The following SCAF11 variants were observed in gnomAD, a reference collection of about 807,000 sequenced individuals.
The protein encoded by SCAF11 is protein SCAF11.
In SCAF11, 47 loss-of-function variants were observed where a neutral mutation model predicts 140.5. The observed-to-expected ratio is 0.33, with a 90% confidence interval of 0.26 to 0.43. SCAF11 has a LOEUF of 0.43. Ranked by LOEUF, SCAF11 falls within the 20% of genes least tolerant of loss-of-function variation. The pLI is 1.00. For synonymous variants in SCAF11, 557 were observed against 579.4 expected (o/e 0.96, Z 0.55); for missense variants, 1,645 against 1,705.1 (o/e 0.96, Z 0.62).
At chr12:45,970,773 A>C (rs1946054041) in intron 1 of SCAF11, among the ~76,000 whole-genome samples, 1 of 152,236 alleles carries the variant, frequency 6.6e-6, no homozygotes, top group African/African-American at 2.4e-5. Context: ...GATAAATGGA[A>C]AATTAAGAAG....
In SCAF11 at chr12:45,926,758, A is replaced by G. The variant is rs1256399623; in HGVS notation, c.2943T>C (p.Asn981=). The change falls in exon 11 of 15, where the codon AAT becomes AAC. Residue 981 remains asparagine, a synonymous_variant. Transcript: ENST00000369367. ...ANDGWRCPRG[N]DRYRKNDPEK... is the part of the protein sequence containing the mutation. ...CTGGGTCATTCTTTCTGTACCGATCATTTCCTCGTGGACATCTCCAACCAT... is the reference window on the plus strand; with the variant it reads ...CTGGGTCATTCTTTCTGTACCGATCGTTTCCTCGTGGACATCTCCAACCAT... 16 of 1,614,006 alleles carry G rather than the reference A, an allele frequency of 9.9e-6. No homozygotes were observed. The highest frequency in any genetic ancestry group is 9.3e-6 in the Non-Finnish European group (11 of 1,179,998).
intron 1 of SCAF11, among the ~76,000 whole-genome samples, chr12:45,986,388 G>A (rs1277570139): frequency 2.0e-5 from 3 of 151,910 alleles, no homozygotes; most frequent in Non-Finnish European, 4.4e-5. Context: ...AAGGCCTGCT[G>A]GTCTCAAATC....
chr12:45,965,007 T>G (rs1293761383), intron 1 of SCAF11, among the ~76,000 whole-genome samples: 1 of 152,090 alleles, frequency 6.6e-6, no homozygotes, highest in South Asian at 2.1e-4. Context: ...GGGGTTGGCA[T>G]GTAAGCCATG....
chr12:45,974,109 A>G, intron 1 of SCAF11: 6 of 442,750 alleles, frequency 1.4e-5, no homozygotes, highest in South Asian at 9.9e-5. Context: ...TTCCTAGTAT[A>G]TATGTTTATA....
intron 3 of SCAF11, among the ~76,000 whole-genome samples, chr12:45,952,495 C>T (rs1301545983): frequency 8.6e-5 from 13 of 152,030 alleles, no homozygotes. Flanking sequence ...TGCTTAGGTT[C>T]TTATTAAGTT....
At chr12:45,990,622 C>G, upstream of SCAF11, 1 of 1,204,844 alleles carries the variant, frequency 8.3e-7, no homozygotes, top group Non-Finnish European at 1.0e-6. Context: ...CCCCTCCCTG[C>G]GCGTCTCCCT....
At chr12:45,990,314 G>C (rs1372810526) in intron 1 of SCAF11, 39 bp downstream of exon 1, 1 of 1,231,608 alleles carries the variant, frequency 8.1e-7, no homozygotes, top group Non-Finnish European at 1.0e-6. Flanking sequence ...CCAGACAGCT[G>C]CCCAAGCCCA....
intron 3 of SCAF11, among the ~76,000 whole-genome samples, chr12:45,954,233 TA>T (rs1350038739): frequency 2.0e-5 from 3 of 152,144 alleles, no homozygotes; most frequent in African/African-American, 7.2e-5. Flanking sequence ...ATTTTTTCTT[TA>T]TTTTTTTTAT....
chr12:45,926,686 T>C lies in SCAF11; in HGVS notation c.3015A>G (p.Leu1005=), dbSNP rs201877264. 438 of 1,613,498 alleles carry C rather than the reference T, an allele frequency of 2.7e-4. 6 individuals are homozygous for C. The East Asian group carries it at 9.5e-3, about 35-fold the overall frequency. ...NTRKEKNDIH[L]DADDPNSADK... ...CAGCAGAATTTGGATCATCAGCATCTAGATGGATGTCATTTTTTTCTTTTC... is the reference window on the plus strand; with the variant it reads ...CAGCAGAATTTGGATCATCAGCATCCAGATGGATGTCATTTTTTTCTTTTC... Residue 1005 remains leucine (L), a synonymous_variant, in exon 11 of 15, where the codon CTA becomes CTG. Transcript: ENST00000369367.
intron 1 of SCAF11, among the ~76,000 whole-genome samples, chr12:45,965,505 G>A (rs1945924046): frequency 2.0e-5 from 3 of 152,006 alleles, no homozygotes; most frequent in Admixed American, 2.0e-4. Flanking sequence ...TAAGAGATGG[G>A]GTCTTGCTGT....
intron 1 of SCAF11, among the ~76,000 whole-genome samples, chr12:45,971,092 G>A (rs1422845070): frequency 6.6e-6 from 1 of 152,130 alleles, no homozygotes; most frequent in East Asian, 1.9e-4. Context: ...GTTTTTCAAA[G>A]CTAATACATT....
intron 6 of SCAF11, among the ~76,000 whole-genome samples, chr12:45,942,471 T>C (rs1000755653): frequency 1.3e-5 from 2 of 152,208 alleles, no homozygotes; most frequent in African/African-American, 4.8e-5. Context: ...ATGTACCAGA[T>C]CACGTTACTC....
chr12:45,970,703 A>C (rs1394311206), intron 1 of SCAF11, among the ~76,000 whole-genome samples: 1 of 152,278 alleles, frequency 6.6e-6, no homozygotes, highest in African/African-American at 2.4e-5. Flanking sequence ...ACCTATGTTA[A>C]GAAAAGGACC....
chr12:45,963,141 G>A (rs1945864292), intron 2 of SCAF11, among the ~76,000 whole-genome samples: 2 of 152,142 alleles, frequency 1.3e-5, no homozygotes, highest in South Asian at 4.1e-4. Context: ...AAGAAATGAG[G>A]TTACAGAACG....
At chr12:45,922,317 TCACA>T in intron 14 of SCAF11, 123 bp from the exon 15 acceptor site, 1 of 1,453,542 alleles carries the variant, frequency 6.9e-7, no homozygotes, top group Non-Finnish European at 9.3e-7. Context: ...TTTCATTATC[TCACA>T]CAAACTAATC....
chr12:45,976,594 G>A (rs1420403474), intron 1 of SCAF11, among the ~76,000 whole-genome samples: 1 of 151,874 alleles, frequency 6.6e-6, no homozygotes, highest in Admixed American at 6.6e-5. Context: ...AGTTAAAATG[G>A]AATACTAAAA....
At chr12:45,989,817 G>A (rs1203806522) in intron 1 of SCAF11, among the ~76,000 whole-genome samples, 1 of 152,116 alleles carries the variant, frequency 6.6e-6, no homozygotes, top group Non-Finnish European at 1.5e-5. Flanking sequence ...AGAGGTCACG[G>A]CGTAGTAAAG....
rs1185445720 is a variant in SCAF11 at position 45,973,282 on chromosome 12, G to GA, written c.-21-9095dup. On this transcript the variant is annotated intron_variant, in intron 1 of 14. Coordinates refer to ENST00000369367, the MANE Select transcript of SCAF11 (RefSeq NM_004719.3). ...CCTAAAAAACAAAGAGAAAAACATT[G>GA]AAAAAAAAATATTAAAGGCTTAGGG... 2.8e-3 allele frequency among the ~76,000 whole-genome samples: 411 copies of GA among 146,144 alleles called. 2 individuals are homozygous for GA. Among genetic ancestry groups the GA allele is most frequent in the African/African-American group, 9.1e-3 (363 of 39,730 alleles).
In SCAF11 at chr12:45,926,571, C is replaced by T. The variant is rs373532309; in HGVS notation, c.3130G>A (p.Glu1044Lys). ...PRTRNPEKLK[E>K]SHWEENRNEN... Reference sequence around the variant, plus strand: ...TTTCTATTTTCTTCCCAATGAGACTCTTTCAACTTTTCTGGATTTCTGGTT... The same window carrying T: ...TTTCTATTTTCTTCCCAATGAGACTTTTTCAACTTTTCTGGATTTCTGGTT... The change falls in exon 11 of 15, where the codon GAG becomes AAG. Residue 1044 changes from glutamate to lysine, a missense_variant. Transcript: ENST00000369367. 5.6e-6 allele frequency: 9 copies of T among 1,613,124 alleles called. No individual in the cohort carries two copies. Among genetic ancestry groups the T allele is most frequent in the African/African-American group, 2.7e-5 (2 of 74,778 alleles).
Sources: gnomAD v4.1 joint callset for allele counts (sites outside exome capture counted in the v4.1 genomes callset) on GRCh38, gnomAD v4.1.1 for gene constraint, MANE v1.5 for transcripts, NCBI Gene and HGNC (gene_info 2026-07-23, HGNC 2026-07-21) for gene names.